PARD3B: variants seen among roughly 807,000 people sequenced by gnomAD.
PARD3B encodes the protein par-3 family cell polarity regulator beta, also known as partitioning defective 3 homolog B.
In PARD3B, 103 loss-of-function variants were observed where a neutral mutation model predicts 130.2. That is an observed-to-expected ratio of 0.79 (90% CI 0.67 to 0.93). PARD3B has a LOEUF of 0.93. PARD3B is among the 40% of genes least tolerant of loss of function. The pLI is 0.00. For synonymous variants in PARD3B, 583 were observed against 553.2 expected (o/e 1.05, Z -0.76); for missense variants, 1,609 against 1,499.2 (o/e 1.07, Z -1.21).
At chr2:205,193,384 T>C in intron 15 of PARD3B, 64 bp downstream of exon 15, 1 of 1,276,856 alleles carries the variant, frequency 7.8e-7, no homozygotes, top group Non-Finnish European at 1.1e-6. Flanking sequence ...TCTTCCCAAA[T>C]GTCCTGGTTT....
At chr2:205,534,139 T>C (rs570615843) in intron 21 of PARD3B, among the ~76,000 whole-genome samples, 11 of 151,710 alleles carry the variant, frequency 7.3e-5, no homozygotes, top group African/African-American at 2.7e-4. Flanking sequence ...CAAATAAATG[T>C]TGATTTGTTG....
intron 2 of PARD3B, among the ~76,000 whole-genome samples, chr2:204,765,823 A>C (rs1314724502): frequency 6.6e-6 from 1 of 152,188 alleles, no homozygotes; most frequent in Admixed American, 6.5e-5. Flanking sequence ...TGACAAGGAC[A>C]GTTGAAATAT....
chr2:205,140,448 C>T (rs2032853668), intron 10 of PARD3B, among the ~76,000 whole-genome samples: 1 of 134,096 alleles, frequency 7.5e-6, no homozygotes, highest in South Asian at 2.5e-4. Flanking sequence ...TACCATAGTC[C>T]AGAGAGTGAA....
intron 22 of PARD3B, 64 bp downstream of exon 22, chr2:205,553,467 C>A: frequency 6.7e-7 from 1 of 1,502,518 alleles, no homozygotes; most frequent in Non-Finnish European, 9.2e-7. Context: ...GAGAAGTCTA[C>A]ATGAAATAGA....
At chr2:205,083,708 A>G (rs1482053967) in intron 4 of PARD3B, among the ~76,000 whole-genome samples, 1 of 150,750 alleles carries the variant, frequency 6.6e-6, no homozygotes, top group Non-Finnish European at 1.5e-5. Flanking sequence ...TTTTATATTC[A>G]TGTCTTCTTT....
Position 205,468,589 on chromosome 2 carries a change from T to C in PARD3B, c.3044+27917T>C, listed in dbSNP as rs559724636. Among the ~76,000 whole-genome samples, 35 of 152,326 alleles carry C rather than the reference T, an allele frequency of 2.3e-4. 2 individuals are homozygous for C. In the South Asian group the frequency reaches 6.4e-3, roughly 28 times the overall value. Reference sequence around the variant, plus strand: ...TCAAGCCAGAATCTGGGAGTCTTTCTTGAGGCTTCTGCCTTCCCTGAACCA... The same window carrying C: ...TCAAGCCAGAATCTGGGAGTCTTTCCTGAGGCTTCTGCCTTCCCTGAACCA... On this transcript the variant is annotated intron_variant, in intron 20 of 22. Coordinates refer to ENST00000406610, the MANE Select transcript of PARD3B (RefSeq NM_001302769.2).
At chr2:204,575,704 C>T (rs577835122) in intron 1 of PARD3B, among the ~76,000 whole-genome samples, 4 of 152,334 alleles carry the variant, frequency 2.6e-5, no homozygotes, top group Non-Finnish European at 4.4e-5. Context: ...CTGGAGCTGA[C>T]TGGAGTCAGC....
In PARD3B at chr2:205,280,359, C is replaced by G. The variant is rs2041141590; in HGVS notation, c.2186-20171C>G. ...GGATCATCTGTACTTGCCCTGCTTT[C>G]AAAATTACTTTTTCTCTTTTCAATG... On this transcript the variant is annotated intron_variant, in intron 16 of 22. Transcript: ENST00000406610. This position sits in a 1 kb window ranked among gnomAD's most constrained non-coding sequence, Gnocchi z 4.7. Among the ~76,000 whole-genome samples, 1 of 152,194 alleles carries G rather than the reference C, an allele frequency of 6.6e-6. No individual in the cohort carries two copies. The highest frequency in any genetic ancestry group is 2.4e-5 in the African/African-American group (1 of 41,450).
chr2:205,602,329 G>T (rs1575461665), intron 22 of PARD3B, among the ~76,000 whole-genome samples: 1 of 152,284 alleles, frequency 6.6e-6, no homozygotes, highest in South Asian at 2.1e-4. Context: ...ATATTGGCCT[G>T]AAGTTTCCTC....
At chr2:204,949,992 C>T (rs951709826) in intron 2 of PARD3B, among the ~76,000 whole-genome samples, 1 of 152,128 alleles carries the variant, frequency 6.6e-6, no homozygotes, top group Non-Finnish European at 1.5e-5. Context: ...ATGAATAAGA[C>T]TTTTGATCAA....
rs776161906 is a variant in PARD3B at position 204,890,805 on chromosome 2, C to T, written c.223-74347C>T. On this transcript the variant is annotated intron_variant, in intron 2 of 22. Coordinates refer to ENST00000406610, the MANE Select transcript of PARD3B (RefSeq NM_001302769.2). The surrounding 1 kb of genome is among the most constrained non-coding windows in gnomAD (Gnocchi z 4.9). Reference sequence around the variant, plus strand: ...CACTCATTTTTATTAAGTGATAGCACGTTTCACTGCAGCTACTACAGCATC... The same window carrying T: ...CACTCATTTTTATTAAGTGATAGCATGTTTCACTGCAGCTACTACAGCATC... 1.8e-4 allele frequency among the ~76,000 whole-genome samples: 28 copies of T among 152,166 alleles called. No individual in the cohort carries two copies. Among genetic ancestry groups the T allele is most frequent in the Admixed American group, 1.4e-3 (22 of 15,278 alleles).
chr2:205,567,481 AT>A (rs61638177), intron 22 of PARD3B, among the ~76,000 whole-genome samples: 1 of 113,518 alleles, frequency 8.8e-6, no homozygotes, highest in East Asian at 2.6e-4. Flanking sequence ...TGCCCGGTTA[AT>A]TTTTTTTTTT....
chr2:204,676,442 C>T (rs1160250722), intron 1 of PARD3B, among the ~76,000 whole-genome samples: 1 of 151,972 alleles, frequency 6.6e-6, no homozygotes, highest in Non-Finnish European at 1.5e-5. Context: ...TCTATTATTC[C>T]TACCCTACAG....
chr2:205,331,947 T>C (rs1216845378), intron 18 of PARD3B, among the ~76,000 whole-genome samples: 1 of 151,372 alleles, frequency 6.6e-6, no homozygotes, highest in Non-Finnish European at 1.5e-5. Context: ...CAACTAAAAA[T>C]ACAAAAAATT....
intron 15 of PARD3B, among the ~76,000 whole-genome samples, chr2:205,220,956 C>T (rs1478916758): frequency 6.6e-6 from 1 of 152,120 alleles, no homozygotes; most frequent in African/African-American, 2.4e-5. Flanking sequence ...CTGCACTCAG[C>T]CCAGGCAGGG....
chr2:205,385,718 A>T (rs1324172576), intron 18 of PARD3B, among the ~76,000 whole-genome samples: 1 of 152,062 alleles, frequency 6.6e-6, no homozygotes, highest in Non-Finnish European at 1.5e-5. Flanking sequence ...ACTCAACATT[A>T]GTTGAGGCCT....
intron 21 of PARD3B, among the ~76,000 whole-genome samples, chr2:205,522,551 T>C (rs1044137148): frequency 6.6e-6 from 1 of 150,730 alleles, no homozygotes; most frequent in Admixed American, 6.6e-5. Context: ...TGTAAATATG[T>C]ATTCTCTAAT....
Position 204,861,162 on chromosome 2 carries a change from TTCTCTCTCTCTCTCTCTCTCTCTC to T in PARD3B, c.223-103961_223-103938del, listed in dbSNP as rs60740602. Among the ~76,000 whole-genome samples the T allele has an allele frequency of 3.2e-3, 292 of 91,362 alleles. 1 individual carries two copies. Among genetic ancestry groups the T allele is most frequent in the Non-Finnish European group, 4.9e-3 (201 of 41,150 alleles). The allele number at this position is 91,362 out of a possible 152,430, so 59.9% of individuals were successfully genotyped here. ...TTTCACCTATTGCTACCTAATACCT[TTCTCTCTCTCTCTCTCTCTCTCTC>T]TCTCTCTCTCTCTCTCTCTCTCTCT... On this transcript the variant is annotated intron_variant, in intron 2 of 22. Transcript: ENST00000406610.
intron 2 of PARD3B, among the ~76,000 whole-genome samples, chr2:204,816,088 T>C (rs1216455597): frequency 1.3e-5 from 2 of 152,018 alleles, no homozygotes; most frequent in African/African-American, 4.8e-5. Flanking sequence ...GTAAGATTTA[T>C]ACTCTCATCT....
Sources: gnomAD v4.1 joint callset for allele counts (sites outside exome capture counted in the v4.1 genomes callset) on GRCh38, gnomAD v4.1.1 for gene constraint, Gnocchi (gnomAD v3.1) non-coding constraint, MANE v1.5 for transcripts, NCBI Gene and HGNC (gene_info 2026-07-23, HGNC 2026-07-21) for gene names.